Variants in CCSER1 observed in about 807,000 individuals in gnomAD.
CCSER1 encodes coiled-coil serine rich protein 1.
CCSER1 carries 41 observed loss-of-function variants against 82.0 expected under a neutral mutation model. That is an observed-to-expected ratio of 0.50 (90% CI 0.39 to 0.65). The LOEUF is 0.65. Among genes scored for constraint, CCSER1 ranks in the 30% least tolerant of loss-of-function variants. CCSER1 has a pLI of 0.00. For missense variants in CCSER1, 1,119 were observed against 1,064.2 expected (o/e 1.05, Z -0.72); for synonymous variants, 414 against 383.9 (o/e 1.08, Z -0.92).
At chr4:90,855,669 A>C (rs1218000144) in intron 8 of CCSER1, among the ~76,000 whole-genome samples, 1 of 152,006 alleles carries the variant, frequency 6.6e-6, no homozygotes, top group Non-Finnish European at 1.5e-5. Context: ...TTTTTCTTGG[A>C]GATAAGTGAT....
At chr4:91,198,871 T>A (rs906631554) in intron 10 of CCSER1, among the ~76,000 whole-genome samples, 4 of 152,162 alleles carry the variant, frequency 2.6e-5, no homozygotes, top group African/African-American at 9.7e-5. Context: ...TAATGCTGAT[T>A]TCAGTTGTGA....
intron 9 of CCSER1, among the ~76,000 whole-genome samples, chr4:90,990,576 G>T (rs1266118043): frequency 6.6e-6 from 1 of 151,950 alleles, no homozygotes; most frequent in Non-Finnish European, 1.5e-5. Context: ...CTTCTGGAAA[G>T]CAGTTCTAGG....
chr4:90,289,713 C>T (rs1177151767), intron 1 of CCSER1, among the ~76,000 whole-genome samples: 1 of 151,832 alleles, frequency 6.6e-6, no homozygotes, highest in African/African-American at 2.4e-5. Context: ...AATTTGATGT[C>T]TTAAACTCTT....
At chr4:90,200,310 G>A (rs1368424342) in intron 1 of CCSER1, among the ~76,000 whole-genome samples, 1 of 151,872 alleles carries the variant, frequency 6.6e-6, no homozygotes, top group East Asian at 1.9e-4. Flanking sequence ...ATTCTACTGA[G>A]GATTATGTAA....
chr4:91,469,772 A>T (rs1321260355), intron 10 of CCSER1, among the ~76,000 whole-genome samples: 1 of 152,246 alleles, frequency 6.6e-6, no homozygotes, highest in East Asian at 1.9e-4. Context: ...TCTAGAAATC[A>T]CATTAAAAGA....
chr4:90,845,340 G>T (rs1763088801), intron 8 of CCSER1, among the ~76,000 whole-genome samples: 1 of 139,716 alleles, frequency 7.2e-6, no homozygotes, highest in Non-Finnish European at 1.5e-5. Flanking sequence ...CCAGCCTGGT[G>T]ACAGAGTGAG....
intron 8 of CCSER1, among the ~76,000 whole-genome samples, chr4:90,824,219 TTAC>T (rs1321430026): frequency 2.0e-5 from 3 of 152,122 alleles, no homozygotes; most frequent in African/African-American, 7.2e-5. Context: ...AATTATATTC[TTAC>T]TTGAGTGTAA....
chr4:91,064,848 CA>C (rs34598171), intron 9 of CCSER1, among the ~76,000 whole-genome samples: 11,957 of 152,190 alleles, frequency 0.079, 642 homozygotes, highest in East Asian at 0.18. Flanking sequence ...GACAGAGGAA[CA>C]CAGCAGAATT....
intron 9 of CCSER1, among the ~76,000 whole-genome samples, chr4:91,064,662 C>G (rs1408100747): frequency 6.6e-6 from 1 of 152,200 alleles, no homozygotes; most frequent in Non-Finnish European, 1.5e-5. Flanking sequence ...ATAAATCAGG[C>G]TGATACAGCT....
chr4:90,238,176 T>C (rs1352567338), intron 1 of CCSER1, among the ~76,000 whole-genome samples: 1 of 152,188 alleles, frequency 6.6e-6, no homozygotes, highest in Non-Finnish European at 1.5e-5. Context: ...CAAACCTTTT[T>C]TTTGAAGCCC....
chr4:90,820,122 C>T (rs574396320), intron 8 of CCSER1, among the ~76,000 whole-genome samples: 1 of 152,258 alleles, frequency 6.6e-6, no homozygotes, highest in Non-Finnish European at 1.5e-5. Flanking sequence ...GCTTTCTTTA[C>T]TTGAGGAGAA....
At chr4:90,766,961 C>G (rs1236481437) in intron 7 of CCSER1, among the ~76,000 whole-genome samples, 4 of 152,040 alleles carry the variant, frequency 2.6e-5, no homozygotes, top group Admixed American at 6.6e-5. Context: ...GCACTCAGTT[C>G]AATTTAAGAT....
rs945099916 is a variant in CCSER1, at chr4:90,730,127, T to C, written c.2010+6136T>C. Among the ~76,000 whole-genome samples, 10 of 152,254 alleles carry C rather than the reference T, an allele frequency of 6.6e-5. No individual in the cohort carries two copies. In the South Asian group the frequency reaches 1.7e-3, roughly 25 times the overall value. On this transcript the variant is annotated intron_variant, in intron 7 of 10. Coordinates refer to ENST00000509176, the MANE Select transcript of CCSER1 (RefSeq NM_001145065.2). The stretch of plus-strand genomic sequence containing the variant: ...TTTATATATTATAACATCAACATAG[T>C]GAGTAGTTTCGATTTATTTCATCTA...
chr4:91,510,601 C>T (rs1316210700), intron 10 of CCSER1, among the ~76,000 whole-genome samples: 2 of 152,006 alleles, frequency 1.3e-5, no homozygotes, highest in Admixed American at 6.6e-5. Context: ...GAATTTTCCA[C>T]GTTTGTTGGC....
intron 1 of CCSER1, among the ~76,000 whole-genome samples, chr4:90,200,090 AC>A (rs1184859437): frequency 6.6e-6 from 1 of 150,796 alleles, no homozygotes; most frequent in African/African-American, 2.5e-5. Context: ...ACACACACAC[AC>A]ACTTTTTTTT....
chr4:90,644,095 C>A (rs993730494), intron 6 of CCSER1, among the ~76,000 whole-genome samples: 1 of 152,094 alleles, frequency 6.6e-6, no homozygotes, highest in Non-Finnish European at 1.5e-5. Flanking sequence ...TGCAGAGATT[C>A]TTTTGCTAGT....
chr4:90,454,458 A>G (rs998828857), intron 4 of CCSER1, among the ~76,000 whole-genome samples: 12 of 152,098 alleles, frequency 7.9e-5, no homozygotes, highest in African/African-American at 2.9e-4. Flanking sequence ...TAGCATTTCC[A>G]GGAAGGCAGT....
At chr4:91,054,549 A>G (rs1345040686) in intron 9 of CCSER1, among the ~76,000 whole-genome samples, 1 of 151,768 alleles carries the variant, frequency 6.6e-6, no homozygotes, top group Admixed American at 6.6e-5. Flanking sequence ...TTTGATTACT[A>G]TTTGCATGGA....
chr4:91,573,582 G>A (rs1112027), intron 10 of CCSER1, among the ~76,000 whole-genome samples: 10,447 of 152,276 alleles, frequency 0.069, 390 homozygotes, highest in Middle Eastern at 0.099. Context: ...TAGGAGAAGT[G>A]TAGTTCCCAA....
Sources: gnomAD v4.1 joint callset for allele counts (sites outside exome capture counted in the v4.1 genomes callset) on GRCh38, gnomAD v4.1.1 for gene constraint, MANE v1.5 for transcripts, NCBI Gene and HGNC (gene_info 2026-07-23, HGNC 2026-07-21) for gene names.